NTM: variants seen among roughly 807,000 people sequenced by gnomAD.
NTM encodes the protein IgLON family member 2.
A neutral mutation model predicts 42.1 loss-of-function variants in NTM; 13 were observed. That is an observed-to-expected ratio of 0.31 (90% CI 0.20 to 0.49). The LOEUF (loss-of-function observed/expected upper bound fraction) is 0.49, where lower values mean the gene tolerates loss of function less well. NTM is among the 20% of genes least tolerant of loss of function. The probability of loss-of-function intolerance (pLI) is 0.99; values close to 1 mark genes in which losing one functional copy is unlikely to be tolerated. For synonymous variants in NTM, 187 were observed against 179.2 expected, an observed-to-expected ratio of 1.04 and a Z score of -0.35; for missense variants, 373 against 452.8, an observed-to-expected ratio of 0.82 and a Z score of 1.60.
intron 2 of NTM, among the ~76,000 whole-genome samples, chr11:132,043,390 T>A (rs761934798): frequency 6.6e-6 from 1 of 152,250 alleles, no homozygotes; most frequent in Non-Finnish European, 1.5e-5. Flanking sequence ...GTGAGCCATG[T>A]GCATTTCAGC....
chr11:131,447,381 T>C (rs1213062783), intron 1 of NTM, among the ~76,000 whole-genome samples: 1 of 152,178 alleles, frequency 6.6e-6, no homozygotes, highest in Non-Finnish European at 1.5e-5. Context: ...TGCTTCCCAC[T>C]TGGGCCCTGA....
At chr11:131,623,893 C>T (rs919537904) in intron 1 of NTM, among the ~76,000 whole-genome samples, 1 of 152,254 alleles carries the variant, frequency 6.6e-6, no homozygotes, top group Non-Finnish European at 1.5e-5. Flanking sequence ...GCTGCCGTAG[C>T]TGGGCAGGAG....
At chr11:131,911,165 G>T (rs1404220591) in intron 1 of NTM, 6 of 1,307,216 alleles carry the variant, frequency 4.6e-6, no homozygotes, top group Non-Finnish European at 5.9e-6. Flanking sequence ...CTCCTGAGAC[G>T]CGCCCACACC....
At chr11:131,650,703 C>G (rs762295759) in intron 1 of NTM, among the ~76,000 whole-genome samples, 18 of 151,988 alleles carry the variant, frequency 1.2e-4, no homozygotes, top group Non-Finnish European at 2.9e-5. Flanking sequence ...TTACTATTTC[C>G]CATTATTACT....
At chr11:131,623,982 C>T (rs1042187817) in intron 1 of NTM, among the ~76,000 whole-genome samples, 3 of 152,290 alleles carry the variant, frequency 2.0e-5, no homozygotes, top group Middle Eastern at 6.8e-3. Context: ...TTGCTCTGAC[C>T]GAGGTCACTA....
chr11:131,874,596 T>A (rs926888947), intron 1 of NTM, among the ~76,000 whole-genome samples: 3 of 152,198 alleles, frequency 2.0e-5, no homozygotes, highest in African/African-American at 4.8e-5. Context: ...TTTTACTATT[T>A]CTTGTGCATT....
At chr11:131,376,757 C>T (rs1462414783) in intron 1 of NTM, among the ~76,000 whole-genome samples, 1 of 151,534 alleles carries the variant, frequency 6.6e-6, no homozygotes, top group Non-Finnish European at 1.5e-5. Flanking sequence ...GGCTTTACTT[C>T]CTCATTCAAA....
intron 1 of NTM, among the ~76,000 whole-genome samples, chr11:131,764,014 T>C (rs547354734): frequency 3.4e-4 from 51 of 152,200 alleles, no homozygotes; most frequent in South Asian, 8.3e-4. Context: ...ATATTAAACC[T>C]CTAAAACATT....
intron 1 of NTM, among the ~76,000 whole-genome samples, chr11:131,387,786 C>T (rs1039536825): frequency 6.6e-6 from 1 of 152,010 alleles, no homozygotes; most frequent in African/African-American, 2.4e-5. Flanking sequence ...AAAGAAAATA[C>T]ATCTGAAACC....
intron 1 of NTM, among the ~76,000 whole-genome samples, chr11:131,554,745 A>G (rs1477034662): frequency 6.6e-6 from 1 of 152,160 alleles, no homozygotes; most frequent in Non-Finnish European, 1.5e-5. Context: ...TTAGGTTGCA[A>G]CAATGTTTTT....
chr11:132,307,536 G>A (rs539102635), intron 4 of NTM, 153 bp from the exon 5 acceptor site: 27 of 531,182 alleles, frequency 5.1e-5, no homozygotes, highest in East Asian at 1.5e-4. Flanking sequence ...TAGAAGAGAC[G>A]GAGGAGGGAT....
At position 132,266,612 on chromosome 11, in the gene NTM, T is replaced by C. The variant is rs144821704; in HGVS notation, c.527-41077T>C. ...TTTTAAAGACAGAGAACTCAAGAGC[T>C]AGAAGGATTATGTGATTTGAATGAG... On this transcript the variant is annotated intron_variant, in intron 4 of 8. Coordinates refer to ENST00000683400, the MANE Select transcript of NTM (RefSeq NM_001352005.2). 7.1e-3 allele frequency among the ~76,000 whole-genome samples: 1,079 copies of C among 152,346 alleles called. 13 individuals carry two copies. The highest frequency in any genetic ancestry group is 0.024 in the African/African-American group (995 of 41,590).
chr11:132,088,995 T>C (rs919599546), intron 2 of NTM, among the ~76,000 whole-genome samples: 3 of 152,144 alleles, frequency 2.0e-5, no homozygotes, highest in African/African-American at 7.2e-5. Context: ...TGATTTCCCA[T>C]TGAAACTCTT....
chr11:131,979,957 G>A (rs1227137972), intron 2 of NTM, among the ~76,000 whole-genome samples: 1 of 152,228 alleles, frequency 6.6e-6, no homozygotes, highest in East Asian at 1.9e-4. Flanking sequence ...GCAGGTAGGT[G>A]ATAGAAAGGT....
intron 1 of NTM, among the ~76,000 whole-genome samples, chr11:131,688,071 G>A (rs1291699671): frequency 6.6e-6 from 1 of 151,906 alleles, no homozygotes; most frequent in African/African-American, 2.4e-5. Flanking sequence ...AATAAACCCC[G>A]GAGGGGTGCG....
At chr11:131,700,596 T>C (rs780520668) in intron 1 of NTM, among the ~76,000 whole-genome samples, 3 of 152,220 alleles carry the variant, frequency 2.0e-5, no homozygotes, top group Non-Finnish European at 4.4e-5. Context: ...CAGGCACATA[T>C]TAATCCATTT....
chr11:132,153,001 T>C (rs1327884985), intron 3 of NTM, among the ~76,000 whole-genome samples: 1 of 152,214 alleles, frequency 6.6e-6, no homozygotes, highest in Non-Finnish European at 1.5e-5. Context: ...TCATAGAGAA[T>C]GGAGCAGAAA....
Position 131,700,087 on chromosome 11 carries a change from G to C in NTM, c.83-211477G>C, listed in dbSNP as rs144451019. Among the ~76,000 whole-genome samples the C allele has an allele frequency of 5.3e-3, 809 of 152,164 alleles. 11 individuals carry two copies. The highest frequency in any genetic ancestry group is 0.014 in the Middle Eastern group (4 of 294). On this transcript the variant is annotated intron_variant, in intron 1 of 8. Transcript: ENST00000683400. Reference sequence around the variant, plus strand: ...AATTATGCATGTATAGTGATGTTGGGCACAAACTCATGTTATGTTCAGGTA... The same window carrying C: ...AATTATGCATGTATAGTGATGTTGGCCACAAACTCATGTTATGTTCAGGTA...
intron 1 of NTM, among the ~76,000 whole-genome samples, chr11:131,909,068 A>G (rs955201968): frequency 7.9e-5 from 12 of 152,180 alleles, no homozygotes; most frequent in African/African-American, 2.9e-4. Flanking sequence ...GGAGGGAACA[A>G]TTGGCCCAAT....
Sources: gnomAD v4.1 joint callset for allele counts (sites outside exome capture counted in the v4.1 genomes callset) on GRCh38, gnomAD v4.1.1 for gene constraint, MANE v1.5 for transcripts, NCBI Gene and HGNC (gene_info 2026-07-23, HGNC 2026-07-21) for gene names.